The following RC3H1 variants were observed in gnomAD, a reference collection of about 807,000 sequenced individuals.
RC3H1 encodes the protein roquin-1.
A neutral mutation model predicts 138.2 loss-of-function variants in RC3H1; 50 were observed. That is an observed-to-expected ratio of 0.36 (90% CI 0.29 to 0.46). The LOEUF is 0.46. RC3H1 is among the 20% of genes least tolerant of loss of function. The pLI, the probability that RC3H1 is intolerant of heterozygous loss-of-function variation, is 1.00. For missense variants in RC3H1, 1,031 were observed against 1,388.1 expected, an observed-to-expected ratio of 0.74 and a Z score of 4.09; for synonymous variants, 462 against 489.1, an observed-to-expected ratio of 0.94 and a Z score of 0.73.
intron 13 of RC3H1, among the ~76,000 whole-genome samples, chr1:173,953,429 A>G (rs1409190731): frequency 6.6e-6 from 1 of 151,756 alleles, no homozygotes; most frequent in Middle Eastern, 3.2e-3. Context: ...ATACCTCTAC[A>G]CCCAGCTAAT....
rs1161382547 is a variant in RC3H1 at position 173,999,180 on chromosome 1, G to A, written c.-150-6045C>T. 1.3e-5 allele frequency among the ~76,000 whole-genome samples: 2 copies of A among 152,012 alleles called. 1 individual carries two copies. The highest frequency in any genetic ancestry group is 2.9e-5 in the Non-Finnish European group (2 of 67,996). ...GAGGTTGGCAGATCACCTGAGGTCA[G>A]GAGTTTGAGACCAGCTTGACCAACA... On this transcript the variant is annotated intron_variant, in intron 1 of 19. Transcript: ENST00000367696.
At chr1:174,001,329 T>A (rs1661561645) in intron 1 of RC3H1, among the ~76,000 whole-genome samples, 1 of 152,156 alleles carries the variant, frequency 6.6e-6, no homozygotes, top group Non-Finnish European at 1.5e-5. Flanking sequence ...GTAGTTTGAA[T>A]CTCCAGGTTC....
chr1:174,002,677 C>A (rs1197485985), intron 1 of RC3H1, among the ~76,000 whole-genome samples: 2 of 152,100 alleles, frequency 1.3e-5, no homozygotes, highest in African/African-American at 4.8e-5. Flanking sequence ...TATCTCAATT[C>A]TTATTTTACT....
At chr1:173,956,883 G>C (rs1659672776) in intron 13 of RC3H1, among the ~76,000 whole-genome samples, 1 of 152,010 alleles carries the variant, frequency 6.6e-6, no homozygotes, top group African/African-American at 2.4e-5. Flanking sequence ...TATGAATTTA[G>C]TACAACTATA....
At position 173,961,079 on chromosome 1, in the gene RC3H1, C is replaced by A. The variant is rs184799841; in HGVS notation, c.2368G>T (p.Glu790Ter). Residue 790 changes from glutamate (E) to a stop codon, truncating the protein, a stop_gained and splice_region_variant, in exon 13 of 20, where the codon GAA becomes TAA. Transcript: ENST00000367696. LOFTEE classifies it high-confidence loss of function. ...PTLPPTFHPEEFLDEDLKVAG... is the reference protein window; with the variant it reads ...PTLPPTFHPE The stretch of plus-strand genomic sequence containing the variant: ...GAGACTAAAAATGATTTGCTTACTT[C>A]TTCCGGATGAAAGGTAGGAGGCAAG... 6.2e-7 allele frequency: 1 copy of A among 1,612,234 alleles called. No individual in the cohort carries two copies. Among genetic ancestry groups the A allele is most frequent in the Admixed American group, 1.7e-5 (1 of 59,556 alleles).
chr1:173,941,417 A>G (rs779208142), intron 18 of RC3H1, 37 bp from the exon 19 acceptor site: 1 of 1,340,912 alleles, frequency 7.5e-7, no homozygotes, highest in East Asian at 2.3e-5. Context: ...GTTATCATCT[A>G]TTTAATGGTG....
rs61239660 is a variant in RC3H1, at chr1:174,017,783, C to CAAAAAAA, written c.-151+4306_-151+4312dup. Among the ~76,000 whole-genome samples, 245 of 71,990 alleles carry CAAAAAAA rather than the reference C, an allele frequency of 3.4e-3. 34 individuals are homozygous for CAAAAAAA. The highest frequency in any genetic ancestry group is 0.012 in the African/African-American group (218 of 17,496). 47.2% of individuals were successfully genotyped at this position (71,990 alleles called of 152,430 possible). On this transcript the variant is annotated intron_variant, in intron 1 of 19. Coordinates refer to ENST00000367696, the MANE Select transcript of RC3H1 (RefSeq NM_172071.4). ...ACCCCTTTAGAACTCTTTTCTTGCT[C>CAAAAAAA]AAAAAAAAAAAAAAAAAAAAAAAAA...
At chr1:174,008,421 G>A (rs1005392058) in intron 1 of RC3H1, among the ~76,000 whole-genome samples, 1 of 152,106 alleles carries the variant, frequency 6.6e-6, no homozygotes, top group African/African-American at 2.4e-5. Flanking sequence ...GGAAGCAGAA[G>A]CAGCAGCAGA....
intron 1 of RC3H1, among the ~76,000 whole-genome samples, chr1:174,010,367 C>T (rs73025635): frequency 0.022 from 3,286 of 152,102 alleles, 131 homozygotes; most frequent in African/African-American, 0.076. Flanking sequence ...AAAGTCCTTG[C>T]TCTCATACAG....
intron 13 of RC3H1, 42 bp downstream of exon 13, chr1:173,961,035 C>A: frequency 1.3e-6 from 2 of 1,586,678 alleles, no homozygotes; most frequent in South Asian, 1.1e-5. Flanking sequence ...CGGACACACA[C>A]AAAAAAACAC....
At chr1:174,011,504 TC>T (rs1293003154) in intron 1 of RC3H1, among the ~76,000 whole-genome samples, 1 of 152,066 alleles carries the variant, frequency 6.6e-6, no homozygotes, top group African/African-American at 2.4e-5. Flanking sequence ...TTTTTTTTTT[TC>T]AAGTACAGTA....
rs951812597 is a variant in RC3H1, at chr1:173,933,812, G to C, written c.*4909C>G. On this transcript the variant is annotated 3_prime_UTR_variant, in exon 20 of 20. Transcript: ENST00000367696. ...GCTTGCTTGTTTAGGTGCTAATGAT[G>C]AAAGTAAAATTTGCTTTAGTTTAGT... 2 of 152,152 alleles carry C rather than the reference G, an allele frequency of 1.3e-5. No homozygotes were observed. The highest frequency in any genetic ancestry group is 2.9e-5 in the Non-Finnish European group (2 of 68,006). 9.4% of individuals were successfully genotyped at this position (152,152 alleles called of 1,614,324 possible).
Position 173,938,655 on chromosome 1 carries a change from G to T in RC3H1, c.*66C>A. Reference sequence around the variant, plus strand: ...AAGAGAAAAAGTTTAGAAGTTATGCGTTCTCCTACCCCTATGCCCGACAAA... The same window carrying T: ...AAGAGAAAAAGTTTAGAAGTTATGCTTTCTCCTACCCCTATGCCCGACAAA... On this transcript the variant is annotated 3_prime_UTR_variant, in exon 20 of 20. Coordinates refer to ENST00000367696, the MANE Select transcript of RC3H1 (RefSeq NM_172071.4). 1 of 1,217,498 alleles carries T rather than the reference G, an allele frequency of 8.2e-7. No homozygotes were observed. The highest frequency in any genetic ancestry group is 1.1e-6 in the Non-Finnish European group (1 of 891,884). The allele number at this position is 1,217,498 out of a possible 1,614,324, so 75.4% of individuals were successfully genotyped here. A position where few individuals can be genotyped will look rare whatever the true frequency, so the allele number is the denominator to read the frequency against.
At chr1:173,970,638 T>G in intron 8 of RC3H1, 21 bp from the exon 9 acceptor site, 1 of 1,516,186 alleles carries the variant, frequency 6.6e-7, no homozygotes, top group Non-Finnish European at 9.1e-7. Context: ...AATCAAAACA[T>G]TAGATGTGTA....
chr1:173,995,599 C>A (rs1466917549), intron 1 of RC3H1, among the ~76,000 whole-genome samples: 1 of 151,148 alleles, frequency 6.6e-6, no homozygotes, highest in Non-Finnish European at 1.5e-5. Flanking sequence ...GATCTTCTAA[C>A]TTATATGATG....
At chr1:174,005,737 G>A (rs1444340076) in intron 1 of RC3H1, among the ~76,000 whole-genome samples, 1 of 152,050 alleles carries the variant, frequency 6.6e-6, no homozygotes, top group Admixed American at 6.6e-5. Flanking sequence ...TACCATTTGT[G>A]CTTAATTTAA....
chr1:173,946,013 C>CA (rs1557919867), intron 17 of RC3H1, among the ~76,000 whole-genome samples: 2 of 151,884 alleles, frequency 1.3e-5, no homozygotes, highest in Non-Finnish European at 2.9e-5. Context: ...ACTAAAAATA[C>CA]AAAAAATTCG....
chr1:174,016,877 G>T (rs1212946142), intron 1 of RC3H1, among the ~76,000 whole-genome samples: 2 of 151,284 alleles, frequency 1.3e-5, no homozygotes, highest in African/African-American at 4.9e-5. Context: ...AACTAATTTT[G>T]TCTCCCTCAG....
At chr1:173,995,297 G>A (rs1661436376) in intron 1 of RC3H1, among the ~76,000 whole-genome samples, 1 of 152,112 alleles carries the variant, frequency 6.6e-6, no homozygotes, top group African/African-American at 2.4e-5. Context: ...ACTTTGGGAG[G>A]ACGAGACAGG....
Sources: allele counts gnomAD v4.1 joint callset (sites outside exome capture counted in the v4.1 genomes callset), GRCh38; gene constraint gnomAD v4.1.1; transcripts MANE v1.5; gene names NCBI Gene and HGNC (gene_info 2026-07-23, HGNC 2026-07-21).